TBC1D22B: variants seen among roughly 807,000 people sequenced by gnomAD.
TBC1D22B encodes the protein chromosome 6 open reading frame 197.
A neutral mutation model predicts 69.1 loss-of-function variants in TBC1D22B; 32 were observed. The ratio of observed to expected loss-of-function variants is 0.46; its 90% CI spans 0.35 to 0.62. The LOEUF (loss-of-function observed/expected upper bound fraction) is 0.62. TBC1D22B is among the 20% of genes least tolerant of loss of function. TBC1D22B has a pLI of 0.00. For synonymous variants in TBC1D22B, 206 were observed against 229.8 expected, an observed-to-expected ratio of 0.90 and a Z score of 0.94; for missense variants, 462 against 630.9, an observed-to-expected ratio of 0.73 and a Z score of 2.87.
intron 2 of TBC1D22B, among the ~76,000 whole-genome samples, chr6:37,275,214 C>G (rs978480313): frequency 6.6e-6 from 1 of 152,188 alleles, no homozygotes; most frequent in African/African-American, 2.4e-5. Context: ...GCTGCAACTA[C>G]TGGGGTCAAC....
intron 8 of TBC1D22B, among the ~76,000 whole-genome samples, chr6:37,310,814 TTCCTAAA>T (rs1273036041): frequency 1.3e-5 from 2 of 152,242 alleles, no homozygotes. Flanking sequence ...TGGCTCTTTT[TTCCTAAA>T]ATACTGTGCA....
At position 37,331,154 on chromosome 6, in the gene TBC1D22B, A is replaced by T. The variant is rs772105984; in HGVS notation, c.1500A>T (p.Pro500=). Residue 500 remains proline (P), a synonymous_variant, in exon 13 of 13, where the codon CCA becomes CCT. Coordinates refer to ENST00000373491, the MANE Select transcript of TBC1D22B (RefSeq NM_017772.4). Reference sequence around the variant, plus strand: ...TCAAGTACATGTTTGCCGATGCCCCAAATCACTACCGCCGATAGGTGCTGT... The same window carrying T: ...TCAAGTACATGTTTGCCGATGCCCCTAATCACTACCGCCGATAGGTGCTGT... ...YRLKYMFADA[P]NHYRR 1 of 1,613,944 alleles carries T rather than the reference A, an allele frequency of 6.2e-7. No individual in the cohort carries two copies. Among genetic ancestry groups the T allele is most frequent in the Non-Finnish European group, 8.5e-7 (1 of 1,179,810 alleles).
In TBC1D22B at chr6:37,269,513, T is replaced by C. The variant is rs939977846; in HGVS notation, c.57-81T>C. The stretch of plus-strand genomic sequence containing the variant: ...CTATTTATCAAAGTCTCATCCAATT[T>C]TGTGATGCAGATGGCACTTAGCCAA... On this transcript the variant is annotated intron_variant, in intron 1 of 12. Coordinates refer to ENST00000373491, the MANE Select transcript of TBC1D22B (RefSeq NM_017772.4). The C allele has an allele frequency of 3.0e-6, 4 of 1,355,694 alleles. No individual in the cohort carries two copies. The African/African-American group carries it at 5.7e-5, about 19-fold the overall frequency. 84.0% of individuals were successfully genotyped at this position (1,355,694 alleles called of 1,614,324 possible).
intron 12 of TBC1D22B, among the ~76,000 whole-genome samples, chr6:37,322,641 C>G (rs1412881411): frequency 6.6e-6 from 1 of 152,190 alleles, no homozygotes; most frequent in East Asian, 1.9e-4. Context: ...TTTTTATTCC[C>G]AACACCCATT....
intron 10 of TBC1D22B, among the ~76,000 whole-genome samples, chr6:37,315,904 G>T (rs116237360): frequency 0.012 from 1,792 of 152,270 alleles, 29 homozygotes; most frequent in African/African-American, 0.037. Flanking sequence ...CTTCTTTCAA[G>T]AATTGTTTGA....
rs756459599 is a variant in TBC1D22B, at chr6:37,285,315, C to CTTTTTTTTTT, written c.801+869_801+878dup. ...GCCAACTCCTTTTGGTCCTTCCCCA[C>CTTTTTTTTTT]TTTTTTTTTTTTTTTTTTTTTTTTT... is the stretch of plus-strand genomic sequence containing the variant. On this transcript the variant is annotated intron_variant, in intron 6 of 12. Transcript: ENST00000373491. Among the ~76,000 whole-genome samples, 20 of 73,562 alleles carry CTTTTTTTTTT rather than the reference C, an allele frequency of 2.7e-4. 6 individuals carry two copies. Among genetic ancestry groups the CTTTTTTTTTT allele is most frequent in the African/African-American group, 7.7e-4 (13 of 16,858 alleles). 48.3% of individuals were successfully genotyped at this position (73,562 alleles called of 152,430 possible).
At chr6:37,326,152 C>T (rs955386919) in intron 12 of TBC1D22B, among the ~76,000 whole-genome samples, 5 of 150,406 alleles carry the variant, frequency 3.3e-5, no homozygotes, top group African/African-American at 9.8e-5. Context: ...GAGGCTGAGG[C>T]GGGCAGATTA....
At chr6:37,300,064 C>T (rs1443223522) in intron 8 of TBC1D22B, among the ~76,000 whole-genome samples, 1 of 150,538 alleles carries the variant, frequency 6.6e-6, no homozygotes, top group African/African-American at 2.4e-5. Context: ...TTCTAATACT[C>T]TTGTGGCTTT....
chr6:37,281,602 G>T (rs1472204330), intron 3 of TBC1D22B, among the ~76,000 whole-genome samples: 1 of 152,206 alleles, frequency 6.6e-6, no homozygotes, highest in African/African-American at 2.4e-5. Context: ...GATGTGCGGG[G>T]ATATTGATCC....
chr6:37,285,057 G>A (rs59827015), intron 6 of TBC1D22B, among the ~76,000 whole-genome samples: 4,827 of 152,186 alleles, frequency 0.032, 240 homozygotes, highest in African/African-American at 0.11. Flanking sequence ...GGAAAGGTCT[G>A]CTCCCAACAT....
At chr6:37,284,208 C>G in intron 5 of TBC1D22B, 128 bp from the exon 6 acceptor site, 1 of 1,468,210 alleles carries the variant, frequency 6.8e-7, no homozygotes. Context: ...TGGCCAGAAC[C>G]AAAAAGGGAT....
At chr6:37,284,521 C>T in intron 6 of TBC1D22B, 57 bp downstream of exon 6, 1 of 1,499,674 alleles carries the variant, frequency 6.7e-7, no homozygotes, top group Non-Finnish European at 8.9e-7. Flanking sequence ...AGGTATGTCT[C>T]ATGGTAGTGC....
chr6:37,282,883 T>C lies in TBC1D22B; in HGVS notation c.603T>C (p.Asp201=). The change falls in exon 5 of 13, where the codon GAT becomes GAC. Residue 201 remains aspartate, a splice_region_variant and synonymous_variant. Transcript: ENST00000373491. Reference sequence around the variant, plus strand: ...AACAAGGCTGTTTTCTATTTACAGATGAACTGAGGAAGTGTAGCTGGCCAG... The same window carrying C: ...AACAAGGCTGTTTTCTATTTACAGACGAACTGAGGAAGTGTAGCTGGCCAG... ...QLLSSQNTDL[D]ELRKCSWPGV... 2 of 1,614,108 alleles carry C rather than the reference T, an allele frequency of 1.2e-6. No homozygotes were observed. Among genetic ancestry groups the C allele is most frequent in the Non-Finnish European group, 1.7e-6 (2 of 1,179,954 alleles).
chr6:37,267,663 A>G (rs1397156458), intron 1 of TBC1D22B, among the ~76,000 whole-genome samples: 3 of 151,234 alleles, frequency 2.0e-5, no homozygotes, highest in Non-Finnish European at 4.4e-5. Context: ...TTCAGACAGT[A>G]CCTGTTGGCT....
chr6:37,322,577 C>A (rs573854055), intron 12 of TBC1D22B, among the ~76,000 whole-genome samples: 2 of 152,158 alleles, frequency 1.3e-5, no homozygotes, highest in South Asian at 4.2e-4. Flanking sequence ...AAGGCTGGAG[C>A]CTGTGAGTGC....
At chr6:37,326,073 G>A (rs1192344789) in intron 12 of TBC1D22B, among the ~76,000 whole-genome samples, 12 of 152,146 alleles carry the variant, frequency 7.9e-5, no homozygotes, top group African/African-American at 2.7e-4. Context: ...ATTATAGGTA[G>A]ATCTCATCTC....
At chr6:37,308,324 TC>T (rs1767799929) in intron 8 of TBC1D22B, among the ~76,000 whole-genome samples, 1 of 152,310 alleles carries the variant, frequency 6.6e-6, no homozygotes, top group South Asian at 2.1e-4. Flanking sequence ...TAATGATCCT[TC>T]TGAACAGATT....
chr6:37,285,969 G>A (rs917691786), intron 6 of TBC1D22B, among the ~76,000 whole-genome samples: 1 of 152,196 alleles, frequency 6.6e-6, no homozygotes, highest in Admixed American at 6.5e-5. Flanking sequence ...TTCATCTCTG[G>A]TTCCCTATTT....
At chr6:37,271,295 A>G (rs969567112) in intron 2 of TBC1D22B, among the ~76,000 whole-genome samples, 3 of 152,208 alleles carry the variant, frequency 2.0e-5, no homozygotes, top group African/African-American at 4.8e-5. Context: ...CCTGGGCAAC[A>G]GAGCAAGACT....
Sources: allele counts gnomAD v4.1 joint callset (sites outside exome capture counted in the v4.1 genomes callset), GRCh38; gene constraint gnomAD v4.1.1; transcripts MANE v1.5; gene names NCBI Gene and HGNC (gene_info 2026-07-23, HGNC 2026-07-21).